Variants in NOSTRIN observed in about 807,000 individuals in gnomAD.
NOSTRIN encodes the protein nitric oxide synthase trafficking.
A neutral mutation model predicts 59.0 loss-of-function variants in NOSTRIN; 63 were observed. The ratio of observed to expected loss-of-function variants is 1.07; its 90% CI spans 0.87 to 1.32. The LOEUF (loss-of-function observed/expected upper bound fraction) is 1.32, where lower values mean the gene tolerates loss of function less well. NOSTRIN is among the 40% of genes most tolerant of loss of function. NOSTRIN has a pLI of 0.00. For synonymous variants in NOSTRIN, 200 were observed against 165.4 expected (o/e 1.21, Z -1.61); for missense variants, 512 against 473.1 (o/e 1.08, Z -0.76).
chr2:168,825,457 A>G (rs963268504), intron 3 of NOSTRIN, among the ~76,000 whole-genome samples: 1 of 151,890 alleles, frequency 6.6e-6, no homozygotes. Flanking sequence ...TATTTTCTCT[A>G]CTCTATGGCT....
rs146438810 is a variant in NOSTRIN at position 168,863,997 on chromosome 2, G to A, written c.1385-837G>A. 3.6e-3 allele frequency among the ~76,000 whole-genome samples: 545 copies of A among 151,598 alleles called. 1 individual carries two copies. The highest frequency in any genetic ancestry group is 0.012 in the African/African-American group (483 of 41,280). On this transcript the variant is annotated intron_variant, in intron 15 of 15. Transcript: ENST00000317647. ...GTGATCTTAGCTCACTGCAACCTCC[G>A]TCTCCTGGATTCAAGTGATTCTCCT... is the stretch of plus-strand genomic sequence containing the variant.
At chr2:168,855,794 CTG>C (rs1689064436) in intron 11 of NOSTRIN, 2 of 426,290 alleles carry the variant, frequency 4.7e-6, no homozygotes, top group Admixed American at 3.2e-5. Context: ...GGTCAACCAA[CTG>C]TGCATGAGAG....
At chr2:168,809,906 C>G (rs1254942084) in intron 1 of NOSTRIN, among the ~76,000 whole-genome samples, 1 of 152,046 alleles carries the variant, frequency 6.6e-6, no homozygotes, top group Non-Finnish European at 1.5e-5. Context: ...ATTGGAACCT[C>G]ACTACAAGTG....
intron 15 of NOSTRIN, among the ~76,000 whole-genome samples, chr2:168,862,648 A>G (rs891064531): frequency 6.6e-6 from 1 of 152,174 alleles, no homozygotes; most frequent in Non-Finnish European, 1.5e-5. Context: ...AAAGAGTGAG[A>G]TCCCCTTCTT....
At chr2:168,803,319 A>G (rs1489692762) in intron 1 of NOSTRIN, among the ~76,000 whole-genome samples, 1 of 152,202 alleles carries the variant, frequency 6.6e-6, no homozygotes, top group African/African-American at 2.4e-5. Flanking sequence ...GGAGATAAGA[A>G]GCAACTAAAA....
At chr2:168,836,827 C>T (rs1384394997) in intron 7 of NOSTRIN, among the ~76,000 whole-genome samples, 2 of 152,172 alleles carry the variant, frequency 1.3e-5, no homozygotes, top group African/African-American at 4.8e-5. Flanking sequence ...CTTGATTATC[C>T]CATATTTCCC....
chr2:168,851,809 C>A (rs531371258), intron 10 of NOSTRIN, among the ~76,000 whole-genome samples: 12 of 152,132 alleles, frequency 7.9e-5, no homozygotes, highest in Non-Finnish European at 1.6e-4. Flanking sequence ...TGTATTATCT[C>A]ATAGTTTATG....
At chr2:168,802,427 A>C (rs539884138), upstream of NOSTRIN, 8 of 519,560 alleles carry the variant, frequency 1.5e-5, no homozygotes, top group Non-Finnish European at 2.9e-5. Flanking sequence ...CATTCTCACT[A>C]TCTCACACTG....
upstream of NOSTRIN, among the ~76,000 whole-genome samples, chr2:168,797,540 C>T (rs887564026): frequency 2.6e-5 from 4 of 152,094 alleles, no homozygotes; most frequent in African/African-American, 7.2e-5. Flanking sequence ...GTCAGCTGGG[C>T]CAACATAAAG....
At chr2:168,852,687 C>G (rs546146) in intron 10 of NOSTRIN, among the ~76,000 whole-genome samples, 72,600 of 151,956 alleles carry the variant, frequency 0.48, 17,655 homozygotes, top group South Asian at 0.67. Context: ...GGCAACAAGA[C>G]GGTAGAAGGC....
chr2:168,845,603 G>C (rs531807640), intron 8 of NOSTRIN, among the ~76,000 whole-genome samples: 42 of 152,094 alleles, frequency 2.8e-4, no homozygotes, highest in African/African-American at 1.0e-3. Context: ...TCCTCTACAT[G>C]TTTCCCCTAC....
rs1047230922 is a variant in NOSTRIN at position 168,824,850 on chromosome 2, C to G, written c.197+133C>G. ...AGAGTGCAGTGGCACAATCACAGCT[C>G]ACTGCACCCTCAATCCCCCAGGCTC... On this transcript the variant is annotated intron_variant, in intron 3 of 15. Coordinates refer to ENST00000317647, the MANE Select transcript of NOSTRIN (RefSeq NM_001039724.4). 4.9e-6 allele frequency: 3 copies of G among 613,082 alleles called. No homozygotes were observed. The Admixed American group carries it at 6.7e-5, about 14-fold the overall frequency. 38.0% of individuals were successfully genotyped at this position (613,082 alleles called of 1,614,324 possible).
At chr2:168,853,420 T>A (rs1688889022) in intron 10 of NOSTRIN, among the ~76,000 whole-genome samples, 1 of 152,196 alleles carries the variant, frequency 6.6e-6, no homozygotes, top group South Asian at 2.1e-4. Flanking sequence ...AAAAGATTGT[T>A]ATCTGTAATT....
At chr2:168,839,553 A>G (rs930741714) in intron 7 of NOSTRIN, among the ~76,000 whole-genome samples, 3 of 152,194 alleles carry the variant, frequency 2.0e-5, no homozygotes, top group Non-Finnish European at 2.9e-5. Flanking sequence ...AAAAGGGACG[A>G]AAGGAAAAGA....
At chr2:168,863,373 T>A in intron 15 of NOSTRIN, 1 of 982,086 alleles carries the variant, frequency 1.0e-6, no homozygotes, top group Non-Finnish European at 1.2e-6. Flanking sequence ...TTCCTTTGTC[T>A]TAGAAAGAAA....
chr2:168,833,508 C>A (rs779670432), intron 6 of NOSTRIN, among the ~76,000 whole-genome samples: 10 of 152,340 alleles, frequency 6.6e-5, no homozygotes, highest in Admixed American at 3.3e-4. Flanking sequence ...CCTGAACAGG[C>A]TAAATCCAAC....
At chr2:168,791,889 C>T (rs188107531) in intron 2 of NOSTRIN, among the ~76,000 whole-genome samples, 272 of 152,188 alleles carry the variant, frequency 1.8e-3, no homozygotes, top group African/African-American at 5.0e-3. Flanking sequence ...ATTAGCCCTT[C>T]GTCAGATGAG....
chr2:168,811,610 G>A lies in NOSTRIN; in HGVS notation c.71G>A (p.Gly24Glu), dbSNP rs766659292. The A allele has an allele frequency of 2.3e-6, 2 of 863,376 alleles. No individual in the cohort carries two copies. The highest frequency in any genetic ancestry group is 4.0e-6 in the Non-Finnish European group (2 of 498,396). The allele number at this position is 863,376 out of a possible 1,614,324, so 53.5% of individuals were successfully genotyped here. Residue 24 changes from glycine (G) to glutamate (E), a missense_variant, in exon 2 of 16, where the codon GGA becomes GAA. Gly to Glu is a moderately conservative substitution (Grantham distance 98). Coordinates refer to ENST00000317647, the MANE Select transcript of NOSTRIN (RefSeq NM_001039724.4). The part of the protein sequence containing the change: ...YKNLKEFSQN[G>E]ENFCKQVTSV... ...AACCTAAAGGAGTTTTCTCAAAATG[G>A]AGAGAATTTCTGCAAACAGGTCACA... is the stretch of plus-strand genomic sequence containing the variant.
upstream of NOSTRIN, among the ~76,000 whole-genome samples, chr2:168,797,079 C>CTTTTTTTTT (rs775176252): frequency 0.013 from 939 of 74,898 alleles, 5 homozygotes; most frequent in Middle Eastern, 0.019. Context: ...TTTCTTTTTT[C>CTTTTTTTTT]TTTTTTTTTT....
Sources: gnomAD v4.1 joint callset for allele counts (sites outside exome capture counted in the v4.1 genomes callset) on GRCh38, gnomAD v4.1.1 for gene constraint, MANE v1.5 for transcripts, NCBI Gene and HGNC (gene_info 2026-07-23, HGNC 2026-07-21) for gene names.